CACNA2D3: variants seen among roughly 807,000 people sequenced by gnomAD.
CACNA2D3 encodes voltage-dependent calcium channel subunit alpha-2/delta-3.
CACNA2D3 carries 60 observed loss-of-function variants against 160.6 expected under a neutral mutation model. That is an observed-to-expected ratio of 0.37 (90% CI 0.30 to 0.46). The LOEUF is 0.46. Ranked by LOEUF, CACNA2D3 falls within the 20% of genes least tolerant of loss-of-function variation. The pLI is 1.00. For missense variants in CACNA2D3, 1,205 were observed against 1,365.0 expected, an observed-to-expected ratio of 0.88 and a Z score of 1.85; for synonymous variants, 558 against 492.9, an observed-to-expected ratio of 1.13 and a Z score of -1.75.
intron 4 of CACNA2D3, among the ~76,000 whole-genome samples, chr3:54,496,429 C>T (rs554284076): frequency 1.3e-5 from 2 of 152,248 alleles, no homozygotes; most frequent in African/African-American, 2.4e-5. Context: ...TGTTGGTCTG[C>T]GGATTGACCA....
intron 11 of CACNA2D3, among the ~76,000 whole-genome samples, chr3:54,738,199 C>T (rs1255981733): frequency 1.3e-5 from 2 of 152,222 alleles, no homozygotes; most frequent in African/African-American, 4.8e-5. Context: ...TTAATACTGG[C>T]TGTCATTAGA....
At chr3:54,452,869 T>C (rs1274828509) in intron 4 of CACNA2D3, among the ~76,000 whole-genome samples, 1 of 152,198 alleles carries the variant, frequency 6.6e-6, no homozygotes, top group Non-Finnish European at 1.5e-5. Flanking sequence ...TGCCTTGGCT[T>C]CCTGCTGCAT....
chr3:54,181,477 C>T (rs922035162), intron 2 of CACNA2D3, among the ~76,000 whole-genome samples: 4 of 152,152 alleles, frequency 2.6e-5, no homozygotes, highest in Non-Finnish European at 5.9e-5. Context: ...GGAGACATTA[C>T]GAATTATTTT....
intron 2 of CACNA2D3, among the ~76,000 whole-genome samples, chr3:54,304,442 C>T (rs2107493213): frequency 6.6e-6 from 1 of 152,102 alleles, no homozygotes; most frequent in East Asian, 1.9e-4. Flanking sequence ...GAAAATAGAT[C>T]CCTTTGGCAT....
At chr3:55,019,288 T>C (rs1261820061) in intron 35 of CACNA2D3, among the ~76,000 whole-genome samples, 1 of 152,006 alleles carries the variant, frequency 6.6e-6, no homozygotes, top group Non-Finnish European at 1.5e-5. Context: ...TAAGTTTTCT[T>C]ATTTATTCTT....
chr3:54,289,966 C>T (rs1043898566), intron 2 of CACNA2D3, among the ~76,000 whole-genome samples: 3 of 151,074 alleles, frequency 2.0e-5, no homozygotes, highest in African/African-American at 4.9e-5. Flanking sequence ...TAGAAGAAAA[C>T]GTAGGCATTA....
At chr3:54,869,791 C>T (rs1247741244) in intron 17 of CACNA2D3, among the ~76,000 whole-genome samples, 1 of 152,216 alleles carries the variant, frequency 6.6e-6, no homozygotes, top group African/African-American at 2.4e-5. Flanking sequence ...CTGTTCTTTT[C>T]TGTTCAGCCC....
chr3:54,608,737 G>A (rs1559525531), intron 9 of CACNA2D3, among the ~76,000 whole-genome samples: 1 of 152,206 alleles, frequency 6.6e-6, no homozygotes, highest in African/African-American at 2.4e-5. Context: ...AAATGTCATG[G>A]CCAAATTTCT....
At chr3:54,409,355 T>C (rs1484693355) in intron 4 of CACNA2D3, among the ~76,000 whole-genome samples, 2 of 152,160 alleles carry the variant, frequency 1.3e-5, no homozygotes, top group African/African-American at 2.4e-5. Flanking sequence ...CAAACTTAAT[T>C]GATAAATATT....
At chr3:54,493,060 CTTTTTTTTTTTTTT>C (rs34225864) in intron 4 of CACNA2D3, among the ~76,000 whole-genome samples, 4 of 58,794 alleles carry the variant, frequency 6.8e-5, no homozygotes, top group South Asian at 8.7e-4. Context: ...TTGCTCAAAA[CTTTTTTTTTTTTTT>C]TTTTTTTTTT....
intron 2 of CACNA2D3, among the ~76,000 whole-genome samples, chr3:54,298,606 C>T (rs1703393974): frequency 6.6e-6 from 1 of 152,106 alleles, no homozygotes; most frequent in African/African-American, 2.4e-5. Flanking sequence ...CAAGAGCAAC[C>T]TGGGTAACAT....
intron 4 of CACNA2D3, among the ~76,000 whole-genome samples, chr3:54,469,306 G>C (rs1409613636): frequency 2.0e-5 from 3 of 152,228 alleles, no homozygotes; most frequent in Non-Finnish European, 4.4e-5. Flanking sequence ...TGCACCTCCA[G>C]CAAACTCCAG....
chr3:54,403,225 C>T (rs763895240), intron 4 of CACNA2D3, among the ~76,000 whole-genome samples: 9 of 151,724 alleles, frequency 5.9e-5, no homozygotes, highest in Non-Finnish European at 8.8e-5. Context: ...CTTGGTGGCA[C>T]GTACCTGTAG....
intron 2 of CACNA2D3, among the ~76,000 whole-genome samples, chr3:54,156,024 C>T (rs1030175035): frequency 6.6e-6 from 1 of 152,106 alleles, no homozygotes. Flanking sequence ...TTTTTTGAGG[C>T]TTTAGCCTGG....
intron 2 of CACNA2D3, among the ~76,000 whole-genome samples, chr3:54,194,031 G>A (rs1466996649): frequency 1.3e-5 from 2 of 152,088 alleles, no homozygotes; most frequent in Admixed American, 1.3e-4. Flanking sequence ...AATTGACCTC[G>A]TGGAGATAGA....
intron 18 of CACNA2D3, among the ~76,000 whole-genome samples, chr3:54,878,148 G>A (rs533089256): frequency 3.3e-5 from 5 of 152,184 alleles, no homozygotes; most frequent in East Asian, 1.9e-4. Flanking sequence ...GTTTTCTATC[G>A]GCCAGATCTT....
At chr3:54,215,505 T>A (rs1004563392) in intron 2 of CACNA2D3, among the ~76,000 whole-genome samples, 1 of 152,246 alleles carries the variant, frequency 6.6e-6, no homozygotes, top group South Asian at 2.1e-4. Context: ...TTAAAATTAT[T>A]ACACACATGT....
intron 2 of CACNA2D3, among the ~76,000 whole-genome samples, chr3:54,186,980 G>A (rs1424066667): frequency 3.3e-5 from 5 of 152,206 alleles, no homozygotes; most frequent in Admixed American, 1.3e-4. Context: ...CCAGAGGTCT[G>A]AATGCCATTC....
At chr3:54,694,897 C>T (rs1256207788) in intron 11 of CACNA2D3, among the ~76,000 whole-genome samples, 1 of 152,194 alleles carries the variant, frequency 6.6e-6, no homozygotes, top group African/African-American at 2.4e-5. Flanking sequence ...TAGTTAAAAT[C>T]CCAATGTAGT....
Sources: gnomAD v4.1 joint callset for allele counts (sites outside exome capture counted in the v4.1 genomes callset) on GRCh38, gnomAD v4.1.1 for gene constraint, MANE v1.5 for transcripts, NCBI Gene and HGNC (gene_info 2026-07-23, HGNC 2026-07-21) for gene names.